TMEM273: variants seen among roughly 807,000 people sequenced by gnomAD.
TMEM273 encodes chromosome 10 open reading frame 128.
A neutral mutation model predicts 17.9 loss-of-function variants in TMEM273; 19 were observed. The observed-to-expected ratio is 1.06, with a 90% CI of 0.74 to 1.55. The LOEUF is 1.55. TMEM273 is among the 40% of genes most tolerant of loss of function. The pLI is 0.00. For missense variants in TMEM273, 194 were observed against 155.6 expected (o/e 1.25, Z -1.31); for synonymous variants, 66 against 62.0 (o/e 1.07, Z -0.31).
chr10:49,187,976 G>A (rs529258707), intron 1 of TMEM273, among the ~76,000 whole-genome samples: 2 of 152,284 alleles, frequency 1.3e-5, no homozygotes, highest in South Asian at 4.1e-4. Context: ...GGTTCAGAAA[G>A]TTAGGGAGTT....
chr10:49,162,605 G>A (rs1253679141), intron 5 of TMEM273, among the ~76,000 whole-genome samples: 5 of 152,164 alleles, frequency 3.3e-5, no homozygotes, highest in Non-Finnish European at 1.5e-5. Context: ...TGGTGAGAAG[G>A]TCACTGTGCT....
At chr10:49,165,582 G>A (rs74761507) in intron 4 of TMEM273, among the ~76,000 whole-genome samples, 184 bp downstream of exon 4, 1 of 152,338 alleles carries the variant, frequency 6.6e-6, no homozygotes, top group African/African-American at 2.4e-5. Flanking sequence ...CCTCACTCTT[G>A]TGACACCTGC....
At chr10:49,162,262 G>A (rs184981074) in intron 5 of TMEM273, among the ~76,000 whole-genome samples, 50 of 152,318 alleles carry the variant, frequency 3.3e-4, no homozygotes, top group Admixed American at 2.4e-3. Flanking sequence ...AGATGTATGT[G>A]TGTCAGAGTC....
intron 2 of TMEM273, 61 bp from the exon 3 acceptor site, chr10:49,167,070 C>T: frequency 6.3e-7 from 1 of 1,591,366 alleles, no homozygotes; most frequent in Non-Finnish European, 8.6e-7. Context: ...CTCTGCATTC[C>T]AGATGAGGTC....
chr10:49,178,221 TC>T, intron 1 of TMEM273: 1 of 457,326 alleles, frequency 2.2e-6, no homozygotes, highest in South Asian at 1.5e-5. Context: ...ACCCCTGTAG[TC>T]CATGCTGCCC....
chr10:49,169,970 C>T (rs1048494697), intron 1 of TMEM273, among the ~76,000 whole-genome samples: 39 of 152,242 alleles, frequency 2.6e-4, no homozygotes, highest in Non-Finnish European at 5.1e-4. Context: ...TGGGGCCAGA[C>T]CCCTGAGCCC....
chr10:49,183,457 G>A (rs1847477405), intron 1 of TMEM273, among the ~76,000 whole-genome samples: 1 of 151,952 alleles, frequency 6.6e-6, no homozygotes. Context: ...TCATATGAGT[G>A]TTCTTTGTAC....
In TMEM273 at chr10:49,174,305, G is replaced by A. The variant is rs1846798741; in HGVS notation, c.44-6343C>T. On this transcript the variant is annotated intron_variant, in intron 1 of 6. Transcript: ENST00000374153. ...GTCTGCTTCTCAGGCACTCCACGGG[G>A]CTGTTTGAAAGTGGAAATGAAGTGC... 2.0e-5 allele frequency among the ~76,000 whole-genome samples: 3 copies of A among 152,304 alleles called. No homozygotes were observed. The South Asian group carries it at 6.2e-4, about 32-fold the overall frequency.
chr10:49,178,238 C>A (rs748283317), intron 1 of TMEM273: 5 of 457,208 alleles, frequency 1.1e-5, no homozygotes, highest in Admixed American at 2.3e-5. Flanking sequence ...TGCCCTTGCC[C>A]GGGGCCTCAG....
At chr10:49,185,341 C>A (rs527240597) in intron 1 of TMEM273, among the ~76,000 whole-genome samples, 16 of 152,278 alleles carry the variant, frequency 1.1e-4, no homozygotes, top group African/African-American at 3.6e-4. Flanking sequence ...CAGGGTCCCC[C>A]GGTCATACTT....
intron 5 of TMEM273, among the ~76,000 whole-genome samples, chr10:49,163,185 G>C (rs1022224963): frequency 2.6e-5 from 4 of 152,146 alleles, no homozygotes; most frequent in South Asian, 2.1e-4. Flanking sequence ...CTACTCTCCC[G>C]CATCAGTGGA....
At chr10:49,175,709 A>G (rs1846910052) in intron 1 of TMEM273, among the ~76,000 whole-genome samples, 1 of 152,216 alleles carries the variant, frequency 6.6e-6, no homozygotes, top group South Asian at 2.1e-4. Context: ...CCAAGGGGGC[A>G]GGGCCCCCCC....
At chr10:49,161,945 T>A (rs957599281) in intron 5 of TMEM273, among the ~76,000 whole-genome samples, 2 of 152,180 alleles carry the variant, frequency 1.3e-5, no homozygotes, top group Non-Finnish European at 2.9e-5. Flanking sequence ...CCCTCTCTCC[T>A]GGCCTTTATT....
At chr10:49,176,671 T>C (rs1010372577) in intron 1 of TMEM273, among the ~76,000 whole-genome samples, 11 of 152,068 alleles carry the variant, frequency 7.2e-5, no homozygotes, top group Admixed American at 7.2e-4. Context: ...GGAGTGCGCA[T>C]CCAGGGAGCG....
At chr10:49,157,138 C>A (rs376260805) in intron 6 of TMEM273, among the ~76,000 whole-genome samples, 8 of 152,304 alleles carry the variant, frequency 5.3e-5, no homozygotes, top group African/African-American at 1.9e-4. Flanking sequence ...GATATCAATG[C>A]CCAGAGTAGA....
intron 1 of TMEM273, among the ~76,000 whole-genome samples, chr10:49,187,228 A>G (rs1847781007): frequency 1.3e-5 from 2 of 152,112 alleles, no homozygotes; most frequent in African/African-American, 4.8e-5. Flanking sequence ...ACATCCCTTC[A>G]CAGTCACTGC....
chr10:49,173,861 A>AG (rs569111475), intron 1 of TMEM273, among the ~76,000 whole-genome samples: 201 of 152,164 alleles, frequency 1.3e-3, no homozygotes, highest in African/African-American at 4.2e-3. Context: ...CAGAGAGACA[A>AG]GGGGGGGCGA....
At chr10:49,160,207 C>T (rs1338954934) in intron 6 of TMEM273, 1 of 152,064 alleles carries the variant, frequency 6.6e-6, no homozygotes, top group East Asian at 1.9e-4. Flanking sequence ...AAGTGCCACC[C>T]CTCGTATTAT....
intron 6 of TMEM273, among the ~76,000 whole-genome samples, chr10:49,159,313 A>T (rs1383818743): frequency 6.6e-6 from 1 of 152,210 alleles, no homozygotes; most frequent in Non-Finnish European, 1.5e-5. Flanking sequence ...ATTTGAACAC[A>T]ATACTCTGGC....
Sources: gnomAD v4.1 joint callset for allele counts (sites outside exome capture counted in the v4.1 genomes callset) on GRCh38, gnomAD v4.1.1 for gene constraint, MANE v1.5 for transcripts, NCBI Gene and HGNC (gene_info 2026-07-23, HGNC 2026-07-21) for gene names.